LRIG1: variants seen among roughly 807,000 people sequenced by gnomAD.
LRIG1 encodes the protein leucine rich repeats and immunoglobulin like domains 1.
A neutral mutation model predicts 99.2 loss-of-function variants in LRIG1; 48 were observed. The ratio of observed to expected loss-of-function variants is 0.48; its 90% CI spans 0.38 to 0.62. The LOEUF (loss-of-function observed/expected upper bound fraction) is 0.62, where lower values mean the gene tolerates loss of function less well. LRIG1 is among the 20% of genes least tolerant of loss of function. The probability of loss-of-function intolerance (pLI) is 0.00; values close to 1 mark genes in which losing one functional copy is unlikely to be tolerated. For synonymous variants in LRIG1, 772 were observed against 596.1 expected (o/e 1.29, Z -4.30); for missense variants, 1,646 against 1,434.4 (o/e 1.15, Z -2.38).
chr3:66,499,158 A>T (rs1331850265), intron 1 of LRIG1, among the ~76,000 whole-genome samples: 1 of 151,992 alleles, frequency 6.6e-6, no homozygotes, highest in Non-Finnish European at 1.5e-5. Flanking sequence ...CTCATGCACC[A>T]GATTTGTTAG....
intron 1 of LRIG1, among the ~76,000 whole-genome samples, chr3:66,470,178 T>C (rs531151291): frequency 1.2e-4 from 19 of 152,278 alleles, no homozygotes; most frequent in African/African-American, 4.6e-4. Flanking sequence ...TTACCAAGCA[T>C]TCCAATGACC....
chr3:66,383,677 G>A (rs374571129), intron 14 of LRIG1, among the ~76,000 whole-genome samples: 1 of 147,982 alleles, frequency 6.8e-6, no homozygotes, highest in East Asian at 1.9e-4. Context: ...TCTTGACCAA[G>A]CCCACATCCA....
chr3:66,412,693 T>G (rs978361362), intron 6 of LRIG1, among the ~76,000 whole-genome samples, 178 bp downstream of exon 6: 2 of 151,928 alleles, frequency 1.3e-5, no homozygotes, highest in African/African-American at 4.8e-5. Flanking sequence ...GGCGCGCACG[T>G]GCACACGCGC....
At chr3:66,450,430 C>T (rs949992701) in intron 3 of LRIG1, among the ~76,000 whole-genome samples, 3 of 152,102 alleles carry the variant, frequency 2.0e-5, no homozygotes, top group Admixed American at 1.3e-4. Flanking sequence ...ATGAGGGAAA[C>T]GAGGTTCAGA....
chr3:66,445,054 G>A (rs1339878295), intron 3 of LRIG1, among the ~76,000 whole-genome samples: 2 of 151,778 alleles, frequency 1.3e-5, no homozygotes, highest in South Asian at 2.1e-4. Flanking sequence ...AAACAGCTTC[G>A]GACTACCCAA....
rs537711597 is a variant in LRIG1, at chr3:66,419,113, G to A, written c.366-1847C>T. On this transcript the variant is annotated intron_variant, in intron 3 of 18. Coordinates refer to ENST00000273261, the MANE Select transcript of LRIG1 (RefSeq NM_015541.3). ...GGAACTGTGAATGTGGTATCAGGGC[G>A]CCAGGAAAAGGGTCTGTGCTGGACA... Among the ~76,000 whole-genome samples, 45 of 152,324 alleles carry A rather than the reference G, an allele frequency of 3.0e-4. No individual in the cohort carries two copies. In the Middle Eastern group the frequency reaches 0.014, roughly 46 times the overall value.
intron 1 of LRIG1, among the ~76,000 whole-genome samples, chr3:66,489,460 T>A (rs1452662916): frequency 6.6e-6 from 1 of 152,084 alleles, no homozygotes; most frequent in Non-Finnish European, 1.5e-5. Flanking sequence ...AGGTCACGGC[T>A]ATAGTGAGCC....
Position 66,405,274 on chromosome 3 carries a change from G to A in LRIG1, c.1084C>T (p.Leu362=), listed in dbSNP as rs202151228. 1 of 1,613,698 alleles carries A rather than the reference G, an allele frequency of 6.2e-7. No individual in the cohort carries two copies. The highest frequency in any genetic ancestry group is 1.1e-5 in the South Asian group (1 of 91,070). ...KGLRSLRVLD[L]DHNEISGTIE... ...GTGCCCGAAATCTCGTTATGGTCCA[G>A]ATCCCTGGGGAGAGGACAGAAAGCA... Residue 362 remains leucine, a synonymous_variant, in exon 9 of 19, where the codon CTG becomes TTG. Transcript: ENST00000273261.
At chr3:66,459,034 A>G (rs950554713) in intron 2 of LRIG1, among the ~76,000 whole-genome samples, 1 of 150,478 alleles carries the variant, frequency 6.6e-6, no homozygotes, top group African/African-American at 2.4e-5. Flanking sequence ...AAAAAAAGAT[A>G]ATGTTTTATA....
At chr3:66,407,809 G>A (rs771453043) in intron 7 of LRIG1, among the ~76,000 whole-genome samples, 35 of 152,232 alleles carry the variant, frequency 2.3e-4, no homozygotes, top group Non-Finnish European at 2.5e-4. Flanking sequence ...AAGCTCCAGC[G>A]CCTTCATGCT....
chr3:66,457,501 A>G (rs1700256233), intron 2 of LRIG1, among the ~76,000 whole-genome samples: 1 of 152,166 alleles, frequency 6.6e-6, no homozygotes. Context: ...TTTCTAAACA[A>G]TGCACCCAGC....
At chr3:66,394,254 C>T (rs1378886745) in intron 11 of LRIG1, 51 bp from the exon 12 acceptor site, 2 of 1,460,908 alleles carry the variant, frequency 1.4e-6, no homozygotes, top group South Asian at 2.7e-5. Flanking sequence ...AAAGGAGGGA[C>T]ACTCCCTTCA....
At chr3:66,452,898 G>A (rs1703952663) in intron 2 of LRIG1, among the ~76,000 whole-genome samples, 1 of 152,210 alleles carries the variant, frequency 6.6e-6, no homozygotes, top group African/African-American at 2.4e-5. Context: ...CAGAGAGAAG[G>A]CAGATCCGTA....
intron 1 of LRIG1, among the ~76,000 whole-genome samples, chr3:66,464,758 T>A (rs1318915435): frequency 3.3e-5 from 5 of 152,210 alleles, no homozygotes; most frequent in African/African-American, 9.6e-5. Flanking sequence ...CCAGCAAGTA[T>A]CCAAAGTCTT....
At chr3:66,483,970 T>C (rs1158049026) in intron 1 of LRIG1, among the ~76,000 whole-genome samples, 1 of 152,234 alleles carries the variant, frequency 6.6e-6, no homozygotes, top group Non-Finnish European at 1.5e-5. Flanking sequence ...AATTCTTGCA[T>C]ATGGGACTTT....
chr3:66,486,358 C>G (rs115347358), intron 1 of LRIG1, among the ~76,000 whole-genome samples: 2,803 of 152,222 alleles, frequency 0.018, 73 homozygotes, highest in East Asian at 0.049. Context: ...GGCCCCAGAG[C>G]TGCCTCTTAA....
At chr3:66,405,087 C>T in intron 9 of LRIG1, 111 bp downstream of exon 9, 2 of 898,688 alleles carry the variant, frequency 2.2e-6, no homozygotes, top group Non-Finnish European at 3.5e-6. Context: ...AAGCCAGCTC[C>T]TCTTCCGCCT....
chr3:66,399,084 A>G, intron 9 of LRIG1, 43 bp from the exon 10 acceptor site: 1 of 1,474,114 alleles, frequency 6.8e-7, no homozygotes, highest in Middle Eastern at 1.7e-4. Context: ...AGGGAAGGAA[A>G]GCGAAACAGG....
Position 66,500,561 on chromosome 3 carries a change from G to A in LRIG1, c.-154C>T. ...AAGTTCTCTCTGCGGCCGCGGCTCC[G>A]GCACTCAGCGTGCCCCCGGTGCCCG... On this transcript the variant is annotated 5_prime_UTR_variant, in exon 1 of 19. Transcript: ENST00000273261. 2.5e-6 allele frequency: 1 copy of A among 402,646 alleles called. No homozygotes were observed. Among genetic ancestry groups the A allele is most frequent in the South Asian group, 1.1e-4 (1 of 8,708 alleles). The allele number at this position is 402,646 out of a possible 1,614,324, so 24.9% of individuals were successfully genotyped here.
Sources: gnomAD v4.1 joint callset for allele counts (sites outside exome capture counted in the v4.1 genomes callset) on GRCh38, gnomAD v4.1.1 for gene constraint, MANE v1.5 for transcripts, NCBI Gene and HGNC (gene_info 2026-07-23, HGNC 2026-07-21) for gene names.